Variants in RAB38 observed in about 807,000 individuals in gnomAD.
The protein encoded by RAB38 is ras-related protein Rab-38.
RAB38 carries 15 observed loss-of-function variants against 18.4 expected under a neutral mutation model. The observed-to-expected ratio is 0.82, with a 90% CI of 0.55 to 1.26. The LOEUF is 1.26. Ranked by LOEUF, RAB38 falls within the 50% of genes most tolerant of loss-of-function variation. The pLI is 0.00. For missense variants in RAB38, 294 were observed against 267.4 expected, an observed-to-expected ratio of 1.10 and a Z score of -0.69; for synonymous variants, 101 against 104.4, an observed-to-expected ratio of 0.97 and a Z score of 0.20.
chr11:88,120,666 C>G (rs1021055073), intron 2 of RAB38, among the ~76,000 whole-genome samples: 2 of 152,196 alleles, frequency 1.3e-5, no homozygotes, highest in African/African-American at 4.8e-5. Flanking sequence ...TTGTGTCCCT[C>G]TGACAATGCC....
chr11:87,944,248 G>A, the RAB38 span, among the ~76,000 whole-genome samples: 1 of 152,058 alleles, frequency 6.6e-6, no homozygotes, highest in East Asian at 1.9e-4. Context: ...TTGATGCAGG[G>A]TTGCTACAAA....
the RAB38 span, among the ~76,000 whole-genome samples, chr11:87,878,715 A>G: frequency 2.0e-5 from 3 of 151,670 alleles, no homozygotes; most frequent in Non-Finnish European, 4.4e-5. Flanking sequence ...TAAGCAAATC[A>G]TAGCTTTTAA....
the RAB38 span, among the ~76,000 whole-genome samples, chr11:87,871,970 T>C: frequency 2.0e-5 from 3 of 151,596 alleles, no homozygotes; most frequent in African/African-American, 7.3e-5. Context: ...AGTGAATATA[T>C]GTACATATTT....
At chr11:88,040,411 C>T in the RAB38 span, among the ~76,000 whole-genome samples, 3 of 152,046 alleles carry the variant, frequency 2.0e-5, no homozygotes, top group Non-Finnish European at 2.9e-5. Flanking sequence ...CCTTAATTAC[C>T]CCCTTTAAAC....
At chr11:87,825,250 G>A in the RAB38 span, among the ~76,000 whole-genome samples, 1 of 152,058 alleles carries the variant, frequency 6.6e-6, no homozygotes, top group East Asian at 1.9e-4. Flanking sequence ...GAAAATGAAG[G>A]AACAAATTAA....
At chr11:87,940,604 A>G in the RAB38 span, among the ~76,000 whole-genome samples, 1 of 152,016 alleles carries the variant, frequency 6.6e-6, no homozygotes, top group Non-Finnish European at 1.5e-5. Context: ...ATCTATATCT[A>G]TATATATGTG....
chr11:88,132,147 G>A (rs748020232), intron 2 of RAB38, among the ~76,000 whole-genome samples: 2 of 152,200 alleles, frequency 1.3e-5, no homozygotes, highest in Non-Finnish European at 2.9e-5. Context: ...TAGGACTACT[G>A]ACCCATGGAA....
chr11:88,048,301 T>A, the RAB38 span, among the ~76,000 whole-genome samples: 2 of 152,196 alleles, frequency 1.3e-5, no homozygotes, highest in Non-Finnish European at 2.9e-5. Context: ...ACATAATTCC[T>A]CGGTTTGGCC....
the RAB38 span, among the ~76,000 whole-genome samples, chr11:87,956,990 G>A: frequency 6.6e-6 from 1 of 151,428 alleles, no homozygotes; most frequent in African/African-American, 2.4e-5. Flanking sequence ...TTTTGGGGGG[G>A]GGTCCTTGAG....
At chr11:88,037,346 T>C in the RAB38 span, among the ~76,000 whole-genome samples, 1 of 152,136 alleles carries the variant, frequency 6.6e-6, no homozygotes, top group East Asian at 1.9e-4. Flanking sequence ...ATTCTTTGCA[T>C]AATTACATAA....
the RAB38 span, among the ~76,000 whole-genome samples, chr11:88,015,513 G>A: frequency 6.6e-6 from 1 of 152,056 alleles, no homozygotes; most frequent in African/African-American, 2.4e-5. Flanking sequence ...TGATCGATAG[G>A]TATCAGCTAC....
the RAB38 span, among the ~76,000 whole-genome samples, chr11:87,823,539 T>G: frequency 6.6e-6 from 1 of 152,182 alleles, no homozygotes; most frequent in African/African-American, 2.4e-5. Context: ...ATTGAGATAG[T>G]GTGGCATTAT....
the RAB38 span, among the ~76,000 whole-genome samples, chr11:87,922,865 A>C: frequency 6.6e-6 from 1 of 151,438 alleles, no homozygotes; most frequent in Admixed American, 6.6e-5. Context: ...GAGGAGGAAT[A>C]AAGGAAGAAA....
chr11:87,888,598 TC>T, the RAB38 span, among the ~76,000 whole-genome samples: 1 of 151,922 alleles, frequency 6.6e-6, no homozygotes, highest in Non-Finnish European at 1.5e-5. Flanking sequence ...TCTGTACCTT[TC>T]CTTCTTCTTC....
the RAB38 span, among the ~76,000 whole-genome samples, chr11:88,048,046 AC>A: frequency 5.3e-5 from 8 of 152,230 alleles, no homozygotes; most frequent in East Asian, 1.5e-3. Context: ...CAAGGAAATC[AC>A]TTCTCAGTGC....
the RAB38 span, among the ~76,000 whole-genome samples, chr11:87,935,859 G>A: frequency 6.6e-6 from 1 of 152,026 alleles, no homozygotes; most frequent in South Asian, 2.1e-4. Flanking sequence ...ACTTAGAATT[G>A]ATTTTTATTC....
the RAB38 span, among the ~76,000 whole-genome samples, chr11:87,893,391 T>TATATATATATATATATATATATATA: frequency 1.5e-4 from 1 of 6,662 alleles, no homozygotes; most frequent in Non-Finnish European, 1.0e-3. Flanking sequence ...TATATATATA[T>TATATATATATATATATATATATATA]TTTTTTTTTA....
At chr11:88,114,616 G>A (rs1408320905) in intron 2 of RAB38, among the ~76,000 whole-genome samples, 2 of 152,202 alleles carry the variant, frequency 1.3e-5, no homozygotes, top group Non-Finnish European at 2.9e-5. Flanking sequence ...GTGAAATGGG[G>A]AAGAGTACAC....
At chr11:88,033,888 C>T in the RAB38 span, among the ~76,000 whole-genome samples, 20 of 151,990 alleles carry the variant, frequency 1.3e-4, no homozygotes, top group Middle Eastern at 3.4e-3. Context: ...CCACTATGCC[C>T]GGTTAATTTT....
Sources: gnomAD v4.1 joint callset for allele counts (sites outside exome capture counted in the v4.1 genomes callset) on GRCh38, gnomAD v4.1.1 for gene constraint, MANE v1.5 for transcripts, NCBI Gene and HGNC (gene_info 2026-07-23, HGNC 2026-07-21) for gene names.